The following MYO1D variants were observed in gnomAD, a reference collection of about 807,000 sequenced individuals.
The protein encoded by MYO1D is unconventional myosin-Id.
In MYO1D, 83 loss-of-function variants were observed where a neutral mutation model predicts 122.0. The observed-to-expected ratio is 0.68, with a 90% CI of 0.57 to 0.82. The LOEUF (loss-of-function observed/expected upper bound fraction) is 0.82, where lower values mean the gene tolerates loss of function less well. Among genes scored for constraint, MYO1D ranks in the 40% least tolerant of loss-of-function variants. The probability of loss-of-function intolerance (pLI) is 0.00; values close to 1 mark genes in which losing one functional copy is unlikely to be tolerated. For missense variants in MYO1D, 1,157 were observed against 1,269.5 expected (o/e 0.91, Z 1.35); for synonymous variants, 464 against 446.9 (o/e 1.04, Z -0.48).
intron 21 of MYO1D, among the ~76,000 whole-genome samples, chr17:32,506,857 T>C (rs1909518390): frequency 6.6e-6 from 1 of 152,206 alleles, no homozygotes; most frequent in African/African-American, 2.4e-5. Context: ...GGCTCATGCC[T>C]GTAATCCCAG....
At chr17:32,851,951 T>G (rs1246883768) in intron 1 of MYO1D, among the ~76,000 whole-genome samples, 5 of 152,184 alleles carry the variant, frequency 3.3e-5, no homozygotes, top group Non-Finnish European at 7.3e-5. Context: ...ATCTACAGCA[T>G]TTACTACTGC....
chr17:32,530,852 T>C (rs1910488244), intron 21 of MYO1D, among the ~76,000 whole-genome samples: 1 of 152,232 alleles, frequency 6.6e-6, no homozygotes. Flanking sequence ...TTGAGTATAA[T>C]TGACATTGGT....
chr17:32,710,947 C>T (rs1331509151), intron 16 of MYO1D, among the ~76,000 whole-genome samples: 1 of 152,114 alleles, frequency 6.6e-6, no homozygotes, highest in Non-Finnish European at 1.5e-5. Context: ...CATAGTAACC[C>T]TCATATACAG....
At chr17:32,501,560 C>A (rs1436423036) in intron 21 of MYO1D, among the ~76,000 whole-genome samples, 1 of 152,176 alleles carries the variant, frequency 6.6e-6, no homozygotes, top group Admixed American at 6.5e-5. Context: ...CAATCATGGA[C>A]AGCCAATGGA....
At chr17:32,624,216 G>A (rs544439269) in intron 20 of MYO1D, among the ~76,000 whole-genome samples, 1 of 137,904 alleles carries the variant, frequency 7.3e-6, no homozygotes, top group East Asian at 2.0e-4. Flanking sequence ...TTTTCTTTAA[G>A]TTTTTTTTTT....
chr17:32,580,029 C>T (rs1432741189), intron 21 of MYO1D, among the ~76,000 whole-genome samples: 1 of 152,110 alleles, frequency 6.6e-6, no homozygotes, highest in Non-Finnish European at 1.5e-5. Context: ...GAATATGTGG[C>T]AGGGATATGT....
chr17:32,838,190 T>G (rs901179848), intron 1 of MYO1D, among the ~76,000 whole-genome samples: 2 of 152,168 alleles, frequency 1.3e-5, no homozygotes, highest in African/African-American at 4.8e-5. Flanking sequence ...CTTTAATGCC[T>G]TAGCAACCTT....
At chr17:32,828,519 A>G (rs1335670148) in intron 1 of MYO1D, among the ~76,000 whole-genome samples, 1 of 146,282 alleles carries the variant, frequency 6.8e-6, no homozygotes, top group Non-Finnish European at 1.5e-5. Context: ...CCGTCTCAAA[A>G]AAAAAAAAAA....
At chr17:32,588,752 C>T (rs905279027) in intron 21 of MYO1D, among the ~76,000 whole-genome samples, 1 of 152,100 alleles carries the variant, frequency 6.6e-6, no homozygotes, top group African/African-American at 2.4e-5. Flanking sequence ...GAGTTTAAGA[C>T]CAGCCTGGCC....
chr17:32,515,109 C>T (rs775399629), intron 21 of MYO1D, among the ~76,000 whole-genome samples: 4 of 152,068 alleles, frequency 2.6e-5, no homozygotes, highest in African/African-American at 4.8e-5. Context: ...ATGGAGTAAG[C>T]GCTTGAATGG....
Position 32,494,868 on chromosome 17 carries a change from C to T in MYO1D, c.2912G>A (p.Ser971Asn), listed in dbSNP as rs1386697668. 6.2e-7 allele frequency: 1 copy of T among 1,614,038 alleles called. No homozygotes were observed. Among genetic ancestry groups the T allele is most frequent in the South Asian group, 1.1e-5 (1 of 91,064 alleles). ...QVNVTNPVQC[S>N]LHGKKCTVSV... is the part of the protein sequence containing the mutation. ...GACGGTGCACTTCTTCCCGTGCAGG[C>T]TGCACTGTACTGGGTTGGTGACGTT... The change falls in exon 22 of 22, where the codon AGC becomes AAC. Residue 971 changes from serine (S) to asparagine (N), a missense_variant. By Grantham distance (46) the Ser-to-Asn change is conservative. Transcript: ENST00000318217.
chr17:32,633,599 C>T (rs1250664452), intron 20 of MYO1D, among the ~76,000 whole-genome samples: 1 of 151,982 alleles, frequency 6.6e-6, no homozygotes, highest in African/African-American at 2.4e-5. Context: ...CTAGAGTGCA[C>T]AAATCTCAAG....
intron 1 of MYO1D, among the ~76,000 whole-genome samples, chr17:32,817,322 T>G (rs972323871): frequency 2.0e-5 from 3 of 152,198 alleles, no homozygotes; most frequent in African/African-American, 4.8e-5. Context: ...GAAGCTTCTT[T>G]ATGTTGCTGA....
chr17:32,536,487 G>A (rs368297349), intron 21 of MYO1D, among the ~76,000 whole-genome samples: 3 of 152,132 alleles, frequency 2.0e-5, no homozygotes, highest in Admixed American at 1.3e-4. Flanking sequence ...TATCATGGCC[G>A]AATTAGTGGG....
At chr17:32,822,801 G>A (rs62070180) in intron 1 of MYO1D, among the ~76,000 whole-genome samples, 4 of 151,580 alleles carry the variant, frequency 2.6e-5, no homozygotes, top group African/African-American at 9.7e-5. Flanking sequence ...GCTCGCGACC[G>A]CTCCTCAGTC....
rs369229552 is a variant in MYO1D, at chr17:32,733,735, T to C, written c.1746+4518A>G. On this transcript the variant is annotated intron_variant, in intron 14 of 21. Coordinates refer to ENST00000318217, the MANE Select transcript of MYO1D (RefSeq NM_015194.3). Reference sequence around the variant, plus strand: ...CAGGGTGAGGGGCAGCTTTAGGGGTTTTTTCCTTCACTCAGTTAACTTCTG... The same window carrying C: ...CAGGGTGAGGGGCAGCTTTAGGGGTCTTTTCCTTCACTCAGTTAACTTCTG... Among the ~76,000 whole-genome samples, 25 of 152,306 alleles carry C rather than the reference T, an allele frequency of 1.6e-4. No individual in the cohort carries two copies. The South Asian group carries it at 5.0e-3, about 30-fold the overall frequency.
chr17:32,864,059 T>C (rs2091103233), intron 1 of MYO1D, among the ~76,000 whole-genome samples: 1 of 107,430 alleles, frequency 9.3e-6, no homozygotes. Context: ...TTTGCAAGAA[T>C]AAAAGCCTTC....
chr17:32,843,291 A>G (rs1193899174), intron 1 of MYO1D, among the ~76,000 whole-genome samples: 2 of 152,190 alleles, frequency 1.3e-5, no homozygotes, highest in Non-Finnish European at 2.9e-5. Flanking sequence ...TATTGACTTA[A>G]AGTACACAGC....
At chr17:32,676,858 T>C (rs560299331) in intron 16 of MYO1D, among the ~76,000 whole-genome samples, 6 of 152,156 alleles carry the variant, frequency 3.9e-5, no homozygotes, top group Non-Finnish European at 7.4e-5. Flanking sequence ...TCGCCCAGAC[T>C]GGAGTGCAGT....
Sources: gnomAD v4.1 joint callset for allele counts (sites outside exome capture counted in the v4.1 genomes callset) on GRCh38, gnomAD v4.1.1 for gene constraint, MANE v1.5 for transcripts, NCBI Gene and HGNC (gene_info 2026-07-23, HGNC 2026-07-21) for gene names.